NEGR1: variants seen among roughly 807,000 people sequenced by gnomAD.
NEGR1 encodes the protein IgLON family member 4.
In NEGR1, 10 loss-of-function variants were observed where a neutral mutation model predicts 40.9. The ratio of observed to expected loss-of-function variants is 0.24; its 90% confidence interval spans 0.15 to 0.42. NEGR1 has a LOEUF of 0.42. Ranked by LOEUF, NEGR1 falls within the 10% of genes least tolerant of loss-of-function variation. NEGR1 has a pLI of 1.00. For missense variants in NEGR1, 352 were observed against 438.9 expected (o/e 0.80, Z 1.77); for synonymous variants, 185 against 166.8 (o/e 1.11, Z -0.84).
chr1:71,554,430 G>A (rs1329742254), intron 6 of NEGR1, among the ~76,000 whole-genome samples: 1 of 151,378 alleles, frequency 6.6e-6, no homozygotes, highest in Non-Finnish European at 1.5e-5. Context: ...TTACCTATCA[G>A]TAGGCTACCT....
intron 6 of NEGR1, among the ~76,000 whole-genome samples, chr1:71,532,767 C>A (rs148289445): frequency 6.6e-6 from 1 of 151,494 alleles, no homozygotes; most frequent in Non-Finnish European, 1.5e-5. Context: ...CGCAAGCATG[C>A]GGCCCATAAT....
At chr1:72,093,175 A>G (rs1208003356) in intron 1 of NEGR1, among the ~76,000 whole-genome samples, 2 of 151,936 alleles carry the variant, frequency 1.3e-5, no homozygotes, top group Non-Finnish European at 2.9e-5. Flanking sequence ...TTATAAAAAT[A>G]TAAAAATTAG....
intron 3 of NEGR1, among the ~76,000 whole-genome samples, chr1:71,728,350 A>T (rs1488263873): frequency 1.3e-5 from 2 of 152,134 alleles, no homozygotes; most frequent in Non-Finnish European, 2.9e-5. Context: ...TGGAAGGGTA[A>T]ATTAGGGAGA....
At chr1:72,250,240 T>C (rs1042517406) in intron 1 of NEGR1, among the ~76,000 whole-genome samples, 4 of 151,904 alleles carry the variant, frequency 2.6e-5, no homozygotes, top group African/African-American at 9.7e-5. Context: ...CTTAAATTGT[T>C]CTCACTTCTT....
chr1:71,756,915 C>T (rs879585951), intron 3 of NEGR1, among the ~76,000 whole-genome samples: 3 of 151,432 alleles, frequency 2.0e-5, no homozygotes, highest in Non-Finnish European at 4.4e-5. Context: ...TTAATAAATT[C>T]CATAATTCTA....
intron 1 of NEGR1, among the ~76,000 whole-genome samples, chr1:72,041,422 T>C (rs1646952879): frequency 8.4e-6 from 1 of 119,386 alleles, no homozygotes; most frequent in Admixed American, 1.1e-4. Context: ...TTCTCTTTTC[T>C]TCTGTAGGCT....
chr1:72,227,509 A>G (rs1273350941), intron 1 of NEGR1, among the ~76,000 whole-genome samples: 1 of 152,118 alleles, frequency 6.6e-6, no homozygotes, highest in Non-Finnish European at 1.5e-5. Context: ...GATAAAAAAC[A>G]GCAGACGGTG....
intron 2 of NEGR1, among the ~76,000 whole-genome samples, chr1:71,923,486 A>G (rs1645739586): frequency 6.6e-6 from 1 of 152,240 alleles, no homozygotes; most frequent in South Asian, 2.1e-4. Flanking sequence ...TAGAGTGTGT[A>G]TATGTGTGAA....
At chr1:71,802,516 T>C (rs1657598361) in intron 2 of NEGR1, among the ~76,000 whole-genome samples, 1 of 152,158 alleles carries the variant, frequency 6.6e-6, no homozygotes, top group African/African-American at 2.4e-5. Context: ...GAAGGCAGAT[T>C]ATTTACTTCT....
At position 71,839,511 on chromosome 1, in the gene NEGR1, G is replaced by A. The variant is rs550957871; in HGVS notation, c.410-63214C>T. On this transcript the variant is annotated intron_variant, in intron 2 of 6. Transcript: ENST00000357731. ...CAGGCGTGAGTCACCACTCCTGGCC[G>A]AGACCAGACTTAGGATTAATTTCAA... Among the ~76,000 whole-genome samples the A allele has an allele frequency of 1.5e-4, 23 of 151,900 alleles. 1 individual carries two copies. The South Asian group carries it at 4.4e-3, about 29-fold the overall frequency.
chr1:72,176,065 C>A lies in NEGR1; in HGVS notation c.176+106254G>T, dbSNP rs56902562. Among the ~76,000 whole-genome samples, 1,134 of 152,114 alleles carry A rather than the reference C, an allele frequency of 7.5e-3. 17 individuals are homozygous for A. Among genetic ancestry groups the A allele is most frequent in the African/African-American group, 0.026 (1,089 of 41,538 alleles). ...ATGAAGACTTTCTCAGAAAGCAATA[C>A]AAATTGCACTAGTACTGAATTATAA... On this transcript the variant is annotated intron_variant, in intron 1 of 6. Transcript: ENST00000357731.
intron 3 of NEGR1, among the ~76,000 whole-genome samples, chr1:71,698,567 A>T (rs1653567195): frequency 6.6e-6 from 1 of 151,818 alleles, no homozygotes; most frequent in South Asian, 2.1e-4. Flanking sequence ...TTTTGGGGGA[A>T]ATCTCCTACC....
intron 2 of NEGR1, among the ~76,000 whole-genome samples, chr1:71,899,988 G>T (rs529063198): frequency 6.6e-6 from 1 of 152,196 alleles, no homozygotes; most frequent in African/African-American, 2.4e-5. Flanking sequence ...AACATGGCTA[G>T]TGAAGAGAAA....
At position 72,230,379 on chromosome 1, in the gene NEGR1, TAA is replaced by T. The variant is rs951979067; in HGVS notation, c.176+51938_176+51939del. ...TGCTGATTAGTACAAATGGAATCTATAAAGTTATTTTTACAGCTTTGTTGCTA... is the reference window on the plus strand; with the variant it reads ...TGCTGATTAGTACAAATGGAATCTATAGTTATTTTTACAGCTTTGTTGCTA... On this transcript the variant is annotated intron_variant, in intron 1 of 6. Coordinates refer to ENST00000357731, the MANE Select transcript of NEGR1 (RefSeq NM_173808.3). Among the ~76,000 whole-genome samples the T allele has an allele frequency of 8.5e-5, 13 of 152,298 alleles. No homozygotes were observed. In the East Asian group the frequency reaches 2.5e-3, roughly 29 times the overall value.
At chr1:71,521,954 C>T (rs1647160265) in intron 6 of NEGR1, among the ~76,000 whole-genome samples, 1 of 151,934 alleles carries the variant, frequency 6.6e-6, no homozygotes, top group South Asian at 2.1e-4. Context: ...AAATACATAA[C>T]ATAAATGTCT....
intron 1 of NEGR1, among the ~76,000 whole-genome samples, chr1:71,945,810 T>C (rs1557448314): frequency 6.6e-6 from 1 of 152,154 alleles, no homozygotes; most frequent in Non-Finnish European, 1.5e-5. Context: ...TAATATCACC[T>C]GTGTTAAGTA....
intron 1 of NEGR1, among the ~76,000 whole-genome samples, chr1:72,060,873 G>GATTTTTTTTTTT (rs1263189436): frequency 6.6e-6 from 1 of 151,478 alleles, no homozygotes. Context: ...TGGATAGGTA[G>GATTTTTTTTTTT]TTTTTTTAGA....
At chr1:72,217,366 T>G (rs1462378189) in intron 1 of NEGR1, among the ~76,000 whole-genome samples, 1 of 151,896 alleles carries the variant, frequency 6.6e-6, no homozygotes, top group Non-Finnish European at 1.5e-5. Flanking sequence ...TTCAGAGCCT[T>G]TTATAATATA....
intron 4 of NEGR1, among the ~76,000 whole-genome samples, chr1:71,697,451 C>T (rs1051485963): frequency 6.6e-6 from 1 of 151,796 alleles, no homozygotes; most frequent in Non-Finnish European, 1.5e-5. Context: ...GTGTAACATA[C>T]TAGCATTGAC....
Sources: gnomAD v4.1 joint callset for allele counts (sites outside exome capture counted in the v4.1 genomes callset) on GRCh38, gnomAD v4.1.1 for gene constraint, MANE v1.5 for transcripts, NCBI Gene and HGNC (gene_info 2026-07-23, HGNC 2026-07-21) for gene names.